Variants in OTUD7A observed in about 807,000 individuals in gnomAD.
OTUD7A encodes the protein OTU domain-containing protein 7A.
OTUD7A carries 12 observed loss-of-function variants against 65.7 expected under a neutral mutation model. The ratio of observed to expected loss-of-function variants is 0.18; its 90% confidence interval spans 0.12 to 0.30. OTUD7A has a LOEUF of 0.30. Among genes scored for constraint, OTUD7A ranks in the 10% least tolerant of loss-of-function variants. The pLI is 1.00. For synonymous variants in OTUD7A, 641 were observed against 586.3 expected, an observed-to-expected ratio of 1.09 and a Z score of -1.35; for missense variants, 1,148 against 1,304.8, an observed-to-expected ratio of 0.88 and a Z score of 1.85.
At chr15:31,624,340 T>G (rs988179434) in intron 3 of OTUD7A, among the ~76,000 whole-genome samples, 2 of 152,248 alleles carry the variant, frequency 1.3e-5, no homozygotes, top group Non-Finnish European at 2.9e-5. Flanking sequence ...CATTAATATT[T>G]CACAAGAAAC....
intron 3 of OTUD7A, among the ~76,000 whole-genome samples, chr15:31,625,755 C>A (rs1384184892): frequency 1.3e-5 from 2 of 152,016 alleles, no homozygotes; most frequent in Non-Finnish European, 2.9e-5. Context: ...CAGAAACCAC[C>A]CAGATACCCA....
chr15:31,627,251 C>A, intron 3 of OTUD7A, among the ~76,000 whole-genome samples: 1 of 127,202 alleles, frequency 7.9e-6, no homozygotes, highest in African/African-American at 2.9e-5. Context: ...TCCCCCCACC[C>A]CACAACAGTC....
chr15:31,560,592 AAGG>A (rs1226149190), intron 4 of OTUD7A, among the ~76,000 whole-genome samples: 1 of 152,268 alleles, frequency 6.6e-6, no homozygotes, highest in East Asian at 1.9e-4. Flanking sequence ...TGTTTTCAGT[AAGG>A]AGAAGTCTTT....
intron 8 of OTUD7A, among the ~76,000 whole-genome samples, chr15:31,512,369 C>A (rs1026531920): frequency 2.0e-5 from 3 of 152,174 alleles, no homozygotes; most frequent in Non-Finnish European, 4.4e-5. Context: ...GAGAATGTAT[C>A]CCCATACGGG....
Position 31,483,307 on chromosome 15 carries a change from C to CCGCGCGCCT in OTUD7A, c.2780_2788dup (p.Glu927_Arg929dup). 1.7e-6 allele frequency: 2 copies of CCGCGCGCCT among 1,187,444 alleles called. No individual in the cohort carries two copies. Among genetic ancestry groups the CCGCGCGCCT allele is most frequent in the Non-Finnish European group, 2.1e-6 (2 of 957,578 alleles). The allele number at this position is 1,187,444 out of a possible 1,614,324, so 73.6% of individuals were successfully genotyped here. A position where few individuals can be genotyped will look rare whatever the true frequency, so the allele number is the denominator to read the frequency against. Reference sequence around the variant, plus strand: ...GCGCCGCGCCGCTCAGGGCCGGGCCCCGCGCGCCTCGCGCCGCCGCCGCAG... The same window carrying CCGCGCGCCT: ...GCGCCGCGCCGCTCAGGGCCGGGCCCCGCGCGCCTCGCGCGCCTCGCGCCGCCGCCGCAG... On this transcript the variant is annotated inframe_insertion, in exon 13 of 13. Coordinates refer to ENST00000307050, the MANE Select transcript of OTUD7A (RefSeq NM_001382637.1).
intron 1 of OTUD7A, among the ~76,000 whole-genome samples, chr15:31,805,921 C>A (rs1023214573): frequency 4.6e-5 from 7 of 152,202 alleles, no homozygotes; most frequent in African/African-American, 1.7e-4. Context: ...TTTTAAGGCA[C>A]TGTGGTTTTG....
intron 1 of OTUD7A, among the ~76,000 whole-genome samples, chr15:31,772,876 A>C (rs1895277399): frequency 6.6e-6 from 1 of 152,302 alleles, no homozygotes; most frequent in East Asian, 1.9e-4. Flanking sequence ...GTTAATTTGC[A>C]ATGTATTAAA....
At chr15:31,800,103 A>G (rs1167177154) in intron 1 of OTUD7A, among the ~76,000 whole-genome samples, 3 of 152,202 alleles carry the variant, frequency 2.0e-5, no homozygotes, top group African/African-American at 7.2e-5. Flanking sequence ...TTAGGAGCAC[A>G]CATCCCATTT....
chr15:31,807,733 A>G (rs1002106712), intron 1 of OTUD7A, among the ~76,000 whole-genome samples: 1 of 152,108 alleles, frequency 6.6e-6, no homozygotes, highest in Non-Finnish European at 1.5e-5. Flanking sequence ...TTAGTATGCT[A>G]TATTTGATTA....
At chr15:31,755,869 C>T (rs944406084) in intron 1 of OTUD7A, among the ~76,000 whole-genome samples, 3 of 147,936 alleles carry the variant, frequency 2.0e-5, no homozygotes, top group Admixed American at 6.8e-5. Context: ...GGTCTGTTAA[C>T]AGACTGGCAG....
At chr15:31,852,333 T>G (rs1255323814) in intron 1 of OTUD7A, among the ~76,000 whole-genome samples, 1 of 152,240 alleles carries the variant, frequency 6.6e-6, no homozygotes, top group African/African-American at 2.4e-5. Flanking sequence ...CATCAACTCT[T>G]GTTCCTTGGA....
At chr15:31,686,164 G>C (rs1892831973) in intron 1 of OTUD7A, among the ~76,000 whole-genome samples, 1 of 152,238 alleles carries the variant, frequency 6.6e-6, no homozygotes, top group Non-Finnish European at 1.5e-5. Context: ...AAGGGAACAG[G>C]AAGAGGGAGA....
intron 3 of OTUD7A, among the ~76,000 whole-genome samples, chr15:31,653,119 C>T (rs1270851485): frequency 4.6e-5 from 7 of 151,766 alleles, no homozygotes; most frequent in Non-Finnish European, 7.4e-5. Context: ...CATGGTGATG[C>T]GCGGCTGTAA....
At position 31,483,428 on chromosome 15, in the gene OTUD7A, G is replaced by GT; in HGVS notation, c.2667_2668insA (p.Pro890ThrfsTer106). ...TGGCAGCGCCGCTGCACCGGCCCCGGGCCGCCACGGCCGCACTCACCGTTC... is the reference window on the plus strand; with the variant it reads ...TGGCAGCGCCGCTGCACCGGCCCCGGTGCCGCCACGGCCGCACTCACCGTTC... On this transcript the variant is annotated frameshift_variant, in exon 13 of 13. Transcript: ENST00000307050. LOFTEE classifies it high-confidence loss of function. The GT allele has an allele frequency of 7.3e-7, 1 of 1,371,844 alleles. No individual in the cohort carries two copies. The highest frequency in any genetic ancestry group is 9.4e-7 in the Non-Finnish European group (1 of 1,062,640). The allele number at this position is 1,371,844 out of a possible 1,614,324, so 85.0% of individuals were successfully genotyped here. A position where few individuals can be genotyped will look rare whatever the true frequency, so the allele number is the denominator to read the frequency against.
rs1387578511 is a variant in OTUD7A, at chr15:31,479,663, G to T, written c.*3631C>A. 1 of 138,488 alleles carries T rather than the reference G, an allele frequency of 7.2e-6. No individual in the cohort carries two copies. Among genetic ancestry groups the T allele is most frequent in the Non-Finnish European group, 1.5e-5 (1 of 65,152 alleles). The allele number at this position is 138,488 out of a possible 1,614,324, so 8.6% of individuals were successfully genotyped here. Reference sequence around the variant, plus strand: ...AAAATAAGTTTGTGGACACTAAGTGGGGGGGGGGGGTGATGGGCCCATGAC... The same window carrying T: ...AAAATAAGTTTGTGGACACTAAGTGTGGGGGGGGGGTGATGGGCCCATGAC... On this transcript the variant is annotated 3_prime_UTR_variant, in exon 13 of 13. Transcript: ENST00000307050.
At chr15:31,767,339 A>C (rs1895117150) in intron 1 of OTUD7A, 1 of 778,734 alleles carries the variant, frequency 1.3e-6, no homozygotes, top group Non-Finnish European at 2.3e-6. Flanking sequence ...CGTAATATTC[A>C]AAAGTAAGTA....
intron 1 of OTUD7A, among the ~76,000 whole-genome samples, chr15:31,811,333 ATGTG>A (rs919885228): frequency 5.2e-4 from 79 of 151,554 alleles, no homozygotes; most frequent in Middle Eastern, 6.8e-3. Flanking sequence ...TGTGCATGGT[ATGTG>A]TGTAAGTGCG....
chr15:31,683,058 G>A (rs1207277668), intron 1 of OTUD7A, among the ~76,000 whole-genome samples: 1 of 152,196 alleles, frequency 6.6e-6, no homozygotes, highest in African/African-American at 2.4e-5. Context: ...GATAGTCAAC[G>A]GCAGTGGCTC....
chr15:31,788,889 T>C (rs1445588530), intron 1 of OTUD7A, among the ~76,000 whole-genome samples: 1 of 152,188 alleles, frequency 6.6e-6, no homozygotes, highest in Non-Finnish European at 1.5e-5. Flanking sequence ...ATTTTTAATG[T>C]TCATTTTGCA....
Sources: gnomAD v4.1 joint callset for allele counts (sites outside exome capture counted in the v4.1 genomes callset) on GRCh38, gnomAD v4.1.1 for gene constraint, MANE v1.5 for transcripts, NCBI Gene and HGNC (gene_info 2026-07-23, HGNC 2026-07-21) for gene names.